Variants in FBN1 observed in about 807,000 individuals in gnomAD.
FBN1 encodes fibrillin 1.
Under a neutral mutation model 365.1 loss-of-function variants are expected in FBN1, and 29 were observed. That is an observed-to-expected ratio of 0.08 (90% CI 0.06 to 0.11). The LOEUF is 0.11. FBN1 is among the 10% of genes least tolerant of loss of function. The pLI is 1.00. For missense variants in FBN1, 2,476 were observed against 3,703.2 expected, an observed-to-expected ratio of 0.67 and a Z score of 8.60; for synonymous variants, 1,210 against 1,270.5, an observed-to-expected ratio of 0.95 and a Z score of 1.01.
At chr15:48,441,648 C>G in intron 50 of FBN1, 73 bp downstream of exon 50, 2 of 1,580,444 alleles carry the variant, frequency 1.3e-6, no homozygotes, top group Admixed American at 3.3e-5. Flanking sequence ...CAGAGCTTTG[C>G]CATGTTTGAA....
intron 7 of FBN1, 33 bp from the exon 8 acceptor site, chr15:48,534,238 A>G: frequency 6.3e-7 from 1 of 1,598,766 alleles, no homozygotes; most frequent in Admixed American, 1.7e-5. Context: ...GAGAAAAAAA[A>G]AAAACTCATA....
intron 6 of FBN1, among the ~76,000 whole-genome samples, chr15:48,571,072 T>C (rs1162079565): frequency 1.3e-5 from 2 of 152,178 alleles, no homozygotes; most frequent in East Asian, 1.9e-4. Context: ...CCAAGGGCAA[T>C]GCACGTTCAG....
intron 13 of FBN1, among the ~76,000 whole-genome samples, chr15:48,511,775 G>A (rs1414483405): frequency 6.6e-6 from 1 of 152,154 alleles, no homozygotes; most frequent in Non-Finnish European, 1.5e-5. Flanking sequence ...AAGTATTCAG[G>A]TCATCCTCAG....
chr15:48,637,402 C>T lies in FBN1; in HGVS notation c.164+7204G>A, dbSNP rs565241910. Among the ~76,000 whole-genome samples, 5 of 152,284 alleles carry T rather than the reference C, an allele frequency of 3.3e-5. No homozygotes were observed. The South Asian group carries it at 1.0e-3, about 32-fold the overall frequency. ...CCCTCTCCTTTCCCTAACAACATTG[C>T]CACCTATGTACGGGCTCACAAGATT... is the stretch of plus-strand genomic sequence containing the variant. On this transcript the variant is annotated intron_variant, in intron 2 of 65. Coordinates refer to ENST00000316623, the MANE Select transcript of FBN1 (RefSeq NM_000138.5).
intron 35 of FBN1, 36 bp from the exon 36 acceptor site, chr15:48,470,792 T>G (rs575820167): frequency 6.2e-7 from 1 of 1,604,170 alleles, no homozygotes; most frequent in African/African-American, 1.3e-5. Context: ...AAAACTTAAC[T>G]TATATTTTTC....
At chr15:48,532,500 A>ATATGTGTGTGTG (rs778060954) in intron 8 of FBN1, among the ~76,000 whole-genome samples, 2 of 107,174 alleles carry the variant, frequency 1.9e-5, no homozygotes, top group Admixed American at 1.8e-4. Flanking sequence ...GTATATATAT[A>ATATGTGTGTGTG]TGTGTATGTG....
chr15:48,621,655 T>C (rs890594166), intron 2 of FBN1, among the ~76,000 whole-genome samples: 2 of 152,058 alleles, frequency 1.3e-5, no homozygotes, highest in African/African-American at 4.8e-5. Flanking sequence ...CTCAGAACAT[T>C]TGAATAAGGA....
At chr15:48,448,682 G>T in intron 46 of FBN1, 86 bp downstream of exon 46, 7 of 1,292,840 alleles carry the variant, frequency 5.4e-6, no homozygotes, top group Non-Finnish European at 7.6e-6. Flanking sequence ...ACTACTAAAA[G>T]ACTTAGTATT....
At chr15:48,426,843 A>T (rs1162107432) in intron 58 of FBN1, among the ~76,000 whole-genome samples, 1 of 151,534 alleles carries the variant, frequency 6.6e-6, no homozygotes, top group Non-Finnish European at 1.5e-5. Flanking sequence ...CTTTTTTTTT[A>T]AATCACATCC....
intron 35 of FBN1, among the ~76,000 whole-genome samples, 190 bp downstream of exon 35, chr15:48,472,361 G>GT (rs2043383015): frequency 6.6e-6 from 1 of 151,538 alleles, no homozygotes; most frequent in Non-Finnish European, 1.5e-5. Flanking sequence ...GTCAGCTGAG[G>GT]TTTTCTGTGC....
intron 57 of FBN1, chr15:48,428,112 C>A: frequency 1.6e-6 from 1 of 642,712 alleles, no homozygotes; most frequent in South Asian, 1.9e-5. Flanking sequence ...TCAAAGGCAG[C>A]CAAGAAATTC....
intron 7 of FBN1, among the ~76,000 whole-genome samples, chr15:48,535,110 T>C (rs1051184304): frequency 9.2e-5 from 14 of 152,194 alleles, no homozygotes; most frequent in African/African-American, 3.4e-4. Context: ...GAGAGCTGCA[T>C]GGCCCACGAT....
At chr15:48,456,495 G>A in intron 44 of FBN1, 142 bp downstream of exon 44, 1 of 833,838 alleles carries the variant, frequency 1.2e-6, no homozygotes, top group South Asian at 1.5e-5. Flanking sequence ...GAAATTTCAT[G>A]TTGTTCCACA....
chr15:48,430,550 C>T (rs183005461), intron 56 of FBN1, 121 bp downstream of exon 56: 8 of 1,081,930 alleles, frequency 7.4e-6, no homozygotes, highest in Admixed American at 1.7e-5. Flanking sequence ...TCCTGACATG[C>T]GGTTAAGAGA....
At position 48,534,190 on chromosome 15, in the gene FBN1, T is replaced by G. The variant is rs2043996020; in HGVS notation, c.752A>C (p.Gln251Pro). ...TGACQDVDEC[Q>P]AIPGLCQGGN... ...TCCCTGACAGAGCCCGGGGATGGCCTGGCATTCATCCACATCTGTCAGATT... is the reference window on the plus strand; with the variant it reads ...TCCCTGACAGAGCCCGGGGATGGCCGGGCATTCATCCACATCTGTCAGATT... The change falls in exon 8 of 66, where the codon CAG becomes CCG. Residue 251 changes from glutamine to proline, a missense_variant. Physicochemically the swap from Gln to Pro is moderately conservative, Grantham distance 76 (BLOSUM62 -1). Transcript: ENST00000316623. The G allele has an allele frequency of 6.2e-7, 1 of 1,612,874 alleles. No individual in the cohort carries two copies. Among genetic ancestry groups the G allele is most frequent in the African/African-American group, 1.3e-5 (1 of 74,730 alleles).
intron 15 of FBN1, among the ~76,000 whole-genome samples, chr15:48,507,740 A>C (rs1243172167): frequency 6.6e-6 from 1 of 152,164 alleles, no homozygotes; most frequent in East Asian, 1.9e-4. Flanking sequence ...TCTGCATCTG[A>C]AACTATGCCC....
intron 18 of FBN1, 42 bp downstream of exon 18, chr15:48,498,943 C>G (rs1163297748): frequency 6.3e-7 from 1 of 1,589,156 alleles, no homozygotes; most frequent in Admixed American, 1.7e-5. Flanking sequence ...GATGCTGCCT[C>G]TGCACATACT....
In FBN1 at chr15:48,485,731, G is replaced by A. The variant is rs558084355; in HGVS notation, c.3590-235C>T. Among the ~76,000 whole-genome samples, 4 of 152,246 alleles carry A rather than the reference G, an allele frequency of 2.6e-5. No individual in the cohort carries two copies. In the South Asian group the frequency reaches 6.2e-4, roughly 24 times the overall value. The stretch of plus-strand genomic sequence containing the variant: ...CTCGTGCTTTCTTCAATGGGATAAC[G>A]TAGGAAGAAGGACCATGCAAAATCC... On this transcript the variant is annotated intron_variant, in intron 29 of 65. Coordinates refer to ENST00000316623, the MANE Select transcript of FBN1 (RefSeq NM_000138.5).
intron 2 of FBN1, among the ~76,000 whole-genome samples, chr15:48,627,941 A>G (rs1477931775): frequency 2.6e-5 from 4 of 152,236 alleles, no homozygotes; most frequent in Admixed American, 2.6e-4. Context: ...GATGATGTCA[A>G]AACAGACAGA....
Sources: gnomAD v4.1 joint callset for allele counts (sites outside exome capture counted in the v4.1 genomes callset) on GRCh38, gnomAD v4.1.1 for gene constraint, MANE v1.5 for transcripts, NCBI Gene and HGNC (gene_info 2026-07-23, HGNC 2026-07-21) for gene names.